The following DYNC1LI1 variants were observed in gnomAD, a reference collection of about 807,000 sequenced individuals.
DYNC1LI1 encodes cytoplasmic dynein 1 light intermediate chain 1.
Under a neutral mutation model 63.8 loss-of-function variants are expected in DYNC1LI1, and 19 were observed. The observed-to-expected ratio is 0.30, with a 90% CI of 0.21 to 0.44. The LOEUF (loss-of-function observed/expected upper bound fraction) is 0.44, where lower values mean the gene tolerates loss of function less well. DYNC1LI1 is among the 20% of genes least tolerant of loss of function. The probability of loss-of-function intolerance (pLI) is 1.00; values close to 1 mark genes in which losing one functional copy is unlikely to be tolerated. For missense variants in DYNC1LI1, 565 were observed against 630.2 expected (o/e 0.90, Z 1.11); for synonymous variants, 225 against 232.3 (o/e 0.97, Z 0.28).
chr3:32,537,971 T>TTA (rs377104383), intron 5 of DYNC1LI1, among the ~76,000 whole-genome samples: 1 of 34,902 alleles, frequency 2.9e-5, no homozygotes, highest in African/African-American at 1.6e-4. Flanking sequence ...AATATATATA[T>TTA]ATTTATATAT....
At chr3:32,569,555 T>C (rs1698312192) in intron 2 of DYNC1LI1, among the ~76,000 whole-genome samples, 1 of 152,198 alleles carries the variant, frequency 6.6e-6, no homozygotes, top group African/African-American at 2.4e-5. Flanking sequence ...TTATCTCGCA[T>C]GTAAAGAGCT....
chr3:32,541,174 CT>C lies in DYNC1LI1; in HGVS notation c.600del (p.Gly201GlufsTer23). On this transcript the variant is annotated frameshift_variant, in exon 5 of 13. Transcript: ENST00000273130. LOFTEE classifies it high-confidence loss of function. ...LIRDFQEYVE[P>X]GEDFPASPQR... ...TGGGGAGAAGCCGGGAAGTCTTCTC[CT>C]GGCTCTACATATTCTTGGAAGTCTC... 2 of 1,612,218 alleles carry C rather than the reference CT, an allele frequency of 1.2e-6. No homozygotes were observed. The highest frequency in any genetic ancestry group is 1.7e-6 in the Non-Finnish European group (2 of 1,178,996).
At chr3:32,557,186 G>A (rs1016974921) in intron 2 of DYNC1LI1, among the ~76,000 whole-genome samples, 1 of 152,114 alleles carries the variant, frequency 6.6e-6, no homozygotes, top group Non-Finnish European at 1.5e-5. Flanking sequence ...AAATATTAAA[G>A]TTTAGGATGT....
chr3:32,541,741 T>C (rs144981832), intron 4 of DYNC1LI1, among the ~76,000 whole-genome samples: 81 of 152,314 alleles, frequency 5.3e-4, no homozygotes, highest in Non-Finnish European at 1.1e-3. Flanking sequence ...AGGAGTTATT[T>C]GCAAGGTTGT....
chr3:32,542,073 G>T (rs1462421594), intron 4 of DYNC1LI1, among the ~76,000 whole-genome samples: 1 of 152,178 alleles, frequency 6.6e-6, no homozygotes, highest in Non-Finnish European at 1.5e-5. Context: ...GCCAACGTAT[G>T]ATTCCAGCTT....
intron 6 of DYNC1LI1, among the ~76,000 whole-genome samples, chr3:32,534,996 A>G (rs1236118476): frequency 6.6e-6 from 1 of 152,186 alleles, no homozygotes; most frequent in Admixed American, 6.5e-5. Flanking sequence ...CATAGAGGGG[A>G]TATTATTTAT....
At chr3:32,563,475 A>G (rs143435814) in intron 2 of DYNC1LI1, among the ~76,000 whole-genome samples, 1,560 of 152,064 alleles carry the variant, frequency 0.01, 14 homozygotes, top group Non-Finnish European at 0.014. Flanking sequence ...TGTTTTTAGT[A>G]GAAATGGGGT....
chr3:32,541,971 A>C (rs1004408030), intron 4 of DYNC1LI1, among the ~76,000 whole-genome samples: 4 of 152,234 alleles, frequency 2.6e-5, no homozygotes, highest in African/African-American at 9.6e-5. Flanking sequence ...TATATGAGAA[A>C]AAATTATACA....
At chr3:32,561,015 A>AC (rs1559444420) in intron 2 of DYNC1LI1, among the ~76,000 whole-genome samples, 1 of 109,816 alleles carries the variant, frequency 9.1e-6, no homozygotes, top group East Asian at 3.3e-4. Flanking sequence ...AAAAAAAAAA[A>AC]AAAAAAAAAA....
chr3:32,540,304 T>C (rs56168576), intron 5 of DYNC1LI1, among the ~76,000 whole-genome samples: 24,572 of 152,156 alleles, frequency 0.16, 2,320 homozygotes, highest in African/African-American at 0.26. Context: ...GACTGCATGT[T>C]AACTTTATAT....
intron 2 of DYNC1LI1, among the ~76,000 whole-genome samples, chr3:32,562,296 G>A (rs1698204411): frequency 6.6e-6 from 1 of 152,032 alleles, no homozygotes; most frequent in South Asian, 2.1e-4. Flanking sequence ...AAGAAAAAAT[G>A]AACACTTACC....
chr3:32,569,928 A>G (rs1309828411), intron 2 of DYNC1LI1, among the ~76,000 whole-genome samples: 1 of 152,260 alleles, frequency 6.6e-6, no homozygotes, highest in East Asian at 1.9e-4. Flanking sequence ...TCAATTATAC[A>G]AAGAGTCAGC....
Position 32,529,675 on chromosome 3 carries a change from G to A in DYNC1LI1, c.1186-15C>T. Reference sequence around the variant, plus strand: ...GGTGAGGCATCCTATGTAAAAATAGGAAAATACAATTATAAAAACCTGAAA... The same window carrying A: ...GGTGAGGCATCCTATGTAAAAATAGAAAAATACAATTATAAAAACCTGAAA... On this transcript the variant is annotated splice_polypyrimidine_tract_variant and intron_variant, in intron 10 of 12. Coordinates refer to ENST00000273130, the MANE Select transcript of DYNC1LI1 (RefSeq NM_016141.4). The A allele has an allele frequency of 1.3e-6, 2 of 1,562,340 alleles. No homozygotes were observed. Among genetic ancestry groups the A allele is most frequent in the African/African-American group, 1.4e-5 (1 of 72,682 alleles).
intron 4 of DYNC1LI1, among the ~76,000 whole-genome samples, chr3:32,542,484 T>G (rs1351810644): frequency 1.3e-5 from 2 of 150,616 alleles, no homozygotes; most frequent in African/African-American, 4.9e-5. Context: ...TCTCACTCAC[T>G]GCAACCCCCG....
intron 2 of DYNC1LI1, among the ~76,000 whole-genome samples, chr3:32,558,895 A>T (rs1408745968): frequency 1.3e-5 from 2 of 152,136 alleles, no homozygotes; most frequent in East Asian, 3.8e-4. Context: ...AACTGTGAAG[A>T]CTTAGAAATG....
At position 32,544,919 on chromosome 3, in the gene DYNC1LI1, T is replaced by A. The variant is rs767974709; in HGVS notation, c.525A>T (p.Lys175Asn). 1 of 1,614,072 alleles carries A rather than the reference T, an allele frequency of 6.2e-7. No individual in the cohort carries two copies. Among genetic ancestry groups the A allele is most frequent in the Non-Finnish European group, 8.5e-7 (1 of 1,179,984 alleles). Residue 175 changes from lysine (K) to asparagine (N), a missense_variant, in exon 4 of 13, where the codon AAA becomes AAT. Transcript: ENST00000273130. ...WASVVREHVD[K>N]LKIPPEEMKQ... ...TCATTTCTTCAGGAGGGATTTTCAG[T>A]TTGTCAACATGTTCTCTAACAACAC...
chr3:32,558,940 T>C (rs1050173863), intron 2 of DYNC1LI1, among the ~76,000 whole-genome samples: 3 of 152,186 alleles, frequency 2.0e-5, no homozygotes, highest in Non-Finnish European at 4.4e-5. Context: ...TTATTGATTG[T>C]GTAAACCTGT....
Position 32,533,019 on chromosome 3 carries a change from A to C in DYNC1LI1, c.1047T>G (p.Phe349Leu), listed in dbSNP as rs1259000323. Residue 349 changes from phenylalanine (F) to leucine (L), a missense_variant, in exon 8 of 13, where the codon TTT becomes TTG. Transcript: ENST00000273130. ...NFQTLKAEDN[F>L]EDIITKPPVR... is the part of the protein sequence containing the mutation. ...CAGGTGGTTTAGTTATGATGTCTTC[A>C]AAATTATCTTCTGCTTTTAATGTTT... The C allele has an allele frequency of 1.4e-5, 22 of 1,601,470 alleles. No homozygotes were observed. The highest frequency in any genetic ancestry group is 1.9e-5 in the Non-Finnish European group (22 of 1,177,136).
At chr3:32,545,643 G>A (rs1454215747) in intron 3 of DYNC1LI1, 2 of 549,428 alleles carry the variant, frequency 3.6e-6, no homozygotes, top group East Asian at 3.3e-5. Context: ...CTGCACACCA[G>A]GATACCTTAA....
Sources: gnomAD v4.1 joint callset for allele counts (sites outside exome capture counted in the v4.1 genomes callset) on GRCh38, gnomAD v4.1.1 for gene constraint, MANE v1.5 for transcripts, NCBI Gene and HGNC (gene_info 2026-07-23, HGNC 2026-07-21) for gene names.